The following SEC23IP variants were observed in gnomAD, a reference collection of about 807,000 sequenced individuals.
The protein encoded by SEC23IP is SEC23 interacting protein.
A neutral mutation model predicts 113.4 loss-of-function variants in SEC23IP; 70 were observed. The ratio of observed to expected loss-of-function variants is 0.62; its 90% CI spans 0.51 to 0.75. SEC23IP has a LOEUF of 0.75. SEC23IP is among the 30% of genes least tolerant of loss of function. The pLI, the probability that SEC23IP is intolerant of heterozygous loss-of-function variation, is 0.00. For synonymous variants in SEC23IP, 398 were observed against 421.0 expected, an observed-to-expected ratio of 0.95 and a Z score of 0.67; for missense variants, 1,160 against 1,204.9, an observed-to-expected ratio of 0.96 and a Z score of 0.55.
intron 15 of SEC23IP, 44 bp downstream of exon 15, chr10:119,930,475 A>G: frequency 8.7e-7 from 1 of 1,145,744 alleles, no homozygotes; most frequent in Non-Finnish European, 1.3e-6. Context: ...TGTCATTTGT[A>G]ATCTGTAATG....
intron 1 of SEC23IP, among the ~76,000 whole-genome samples, chr10:119,897,850 C>G (rs1394869727): frequency 6.7e-6 from 1 of 149,616 alleles, no homozygotes; most frequent in Non-Finnish European, 1.5e-5. Context: ...AAAAAAAATA[C>G]AAAAATTAGC....
rs562599504 is a variant in SEC23IP, at chr10:119,926,161, T to G, written c.2247T>G (p.Leu749=). The change falls in exon 13 of 19, where the codon CTT becomes CTG. Residue 749 remains leucine, a synonymous_variant. Coordinates refer to ENST00000369075, the MANE Select transcript of SEC23IP (RefSeq NM_007190.4). ...AATCCAATGAGCCAAAGAGGAAACT[T>G]CCAGTTGGTGCTTGCGTGTCTTCTG... is the stretch of plus-strand genomic sequence containing the variant. ...PSESNEPKRK[L]PVGACVSSVC... is the part of the protein sequence containing the mutation. 2.5e-6 allele frequency: 4 copies of G among 1,614,160 alleles called. No individual in the cohort carries two copies. In the South Asian group the frequency reaches 4.4e-5, roughly 18 times the overall value.
intron 4 of SEC23IP, among the ~76,000 whole-genome samples, chr10:119,905,042 A>G (rs1438075135): frequency 1.3e-5 from 2 of 152,112 alleles, no homozygotes; most frequent in African/African-American, 2.4e-5. Flanking sequence ...GCTGAAGAGG[A>G]AGGATCACCT....
At chr10:119,916,860 C>CT (rs1341626947) in intron 8 of SEC23IP, among the ~76,000 whole-genome samples, 1 of 151,990 alleles carries the variant, frequency 6.6e-6, no homozygotes, top group African/African-American at 2.4e-5. Flanking sequence ...GCACAAATAA[C>CT]TTTAAAAAAA....
intron 2 of SEC23IP, among the ~76,000 whole-genome samples, chr10:119,901,442 A>T (rs1854496112): frequency 6.6e-6 from 1 of 152,032 alleles, no homozygotes; most frequent in Non-Finnish European, 1.5e-5. Context: ...TTTCTGTTAG[A>T]CATTTTGATT....
At chr10:119,900,235 A>AT (rs1452827250) in intron 2 of SEC23IP, among the ~76,000 whole-genome samples, 1 of 151,564 alleles carries the variant, frequency 6.6e-6, no homozygotes, top group Non-Finnish European at 1.5e-5. Flanking sequence ...CTTCAAAATG[A>AT]TTTTTTAGAA....
At chr10:119,911,143 T>C (rs1406973348) in intron 5 of SEC23IP, among the ~76,000 whole-genome samples, 1 of 151,946 alleles carries the variant, frequency 6.6e-6, no homozygotes, top group African/African-American at 2.4e-5. Context: ...TTTGTCATTA[T>C]GTTTTTGTCA....
In SEC23IP at chr10:119,914,769, A is replaced by G; in HGVS notation, c.1352A>G (p.His451Arg). 2 of 1,614,172 alleles carry G rather than the reference A, an allele frequency of 1.2e-6. No homozygotes were observed. Among genetic ancestry groups the G allele is most frequent in the South Asian group, 1.1e-5 (1 of 91,078 alleles). The stretch of plus-strand genomic sequence containing the variant: ...GTTGACCATTTGGTGTTTGTGGTGC[A>G]TGGCATTGGACCTGTGTGTGACTTA... ...PQVDHLVFVV[H>R]GIGPVCDLRF... The change falls in exon 7 of 19, where the codon CAT (histidine) becomes CGT (arginine). Residue 451 changes from histidine (H) to arginine (R), a missense_variant. By Grantham distance (29) the His-to-Arg change is conservative. Coordinates refer to ENST00000369075, the MANE Select transcript of SEC23IP (RefSeq NM_007190.4).
intron 1 of SEC23IP, among the ~76,000 whole-genome samples, chr10:119,894,056 C>T (rs1451065696): frequency 6.6e-6 from 1 of 152,156 alleles, no homozygotes; most frequent in Non-Finnish European, 1.5e-5. Context: ...TTTACTTTAC[C>T]TCTCTGTGCT....
intron 12 of SEC23IP, among the ~76,000 whole-genome samples, chr10:119,925,793 T>C (rs999729069): frequency 7.9e-5 from 12 of 152,144 alleles, no homozygotes; most frequent in African/African-American, 2.9e-4. Context: ...CCTTCCACCT[T>C]GGTCTCCCAA....
chr10:119,919,518 G>A lies in SEC23IP; in HGVS notation c.1947G>A (p.Leu649=). The A allele has an allele frequency of 6.2e-7, 1 of 1,613,626 alleles. No individual in the cohort carries two copies. The highest frequency in any genetic ancestry group is 8.5e-7 in the Non-Finnish European group (1 of 1,179,800). Residue 649 remains leucine, a synonymous_variant, in exon 11 of 19, where the codon TTG becomes TTA. Coordinates refer to ENST00000369075, the MANE Select transcript of SEC23IP (RefSeq NM_007190.4). ...TTGAAAATAAAGAAGTCCTAACTTTGCAAGAAACTCTGGAAGCACTTAGCC... is the reference window on the plus strand; with the variant it reads ...TTGAAAATAAAGAAGTCCTAACTTTACAAGAAACTCTGGAAGCACTTAGCC... ...LVVENKEVLT[L]QETLEALSLS...
At position 119,898,536 on chromosome 10, in the gene SEC23IP, T is replaced by A; in HGVS notation, c.273T>A (p.Asp91Glu). The change falls in exon 2 of 19, where the codon GAT (aspartate) becomes GAA (glutamate). Residue 91 changes from aspartate to glutamate, a missense_variant. Coordinates refer to ENST00000369075, the MANE Select transcript of SEC23IP (RefSeq NM_007190.4). ...SYFSQVSSSSDPFGNIGQSPL... is the reference protein window; with the variant it reads ...SYFSQVSSSSEPFGNIGQSPL... The stretch of plus-strand genomic sequence containing the variant: ...TCTCTCAGGTATCAAGCAGCAGTGA[T>A]CCTTTTGGGAATATTGGACAGTCAC... The A allele has an allele frequency of 6.2e-7, 1 of 1,614,188 alleles. No homozygotes were observed. The highest frequency in any genetic ancestry group is 8.5e-7 in the Non-Finnish European group (1 of 1,180,044).
chr10:119,918,135 G>T (rs1467004683), intron 9 of SEC23IP, 91 bp downstream of exon 9: 4 of 1,073,428 alleles, frequency 3.7e-6, no homozygotes, highest in Non-Finnish European at 5.4e-6. Context: ...GCAAAATTAA[G>T]AATTACAGAT....
At chr10:119,939,125 T>C (rs1855885329) in intron 18 of SEC23IP, among the ~76,000 whole-genome samples, 3 of 151,264 alleles carry the variant, frequency 2.0e-5, no homozygotes, top group Admixed American at 6.6e-5. Flanking sequence ...CTTAGCAACA[T>C]AGACAAGACA....
chr10:119,929,850 T>G (rs975323727), intron 14 of SEC23IP, 88 bp downstream of exon 14: 2 of 827,024 alleles, frequency 2.4e-6, no homozygotes, highest in African/African-American at 3.5e-5. Flanking sequence ...GGTCTTACTA[T>G]GTGGACCACA....
chr10:119,940,187 A>ATTT (rs11289281), intron 18 of SEC23IP, among the ~76,000 whole-genome samples: 7 of 128,160 alleles, frequency 5.5e-5, no homozygotes, highest in Non-Finnish European at 6.6e-5. Context: ...TGGATTGTCC[A>ATTT]TTTTTTTTTT....
At chr10:119,907,883 C>T (rs893389515) in intron 4 of SEC23IP, among the ~76,000 whole-genome samples, 1 of 152,078 alleles carries the variant, frequency 6.6e-6, no homozygotes, top group Non-Finnish European at 1.5e-5. Context: ...ACCTGGGAGG[C>T]GGAGGTTGCG....
chr10:119,929,557 C>G, intron 13 of SEC23IP, 50 bp from the exon 14 acceptor site: 1 of 1,521,566 alleles, frequency 6.6e-7, no homozygotes, highest in Non-Finnish European at 9.1e-7. Flanking sequence ...GAATTTTCTA[C>G]TAGGTGACAT....
At chr10:119,898,402 C>T (rs201764362) in intron 1 of SEC23IP, 25 bp from the exon 2 acceptor site, 84 of 1,588,294 alleles carry the variant, frequency 5.3e-5, no homozygotes, top group Non-Finnish European at 6.8e-5. Flanking sequence ...CCCTTTAAAC[C>T]ACATGCTCTC....
Sources: allele counts gnomAD v4.1 joint callset (sites outside exome capture counted in the v4.1 genomes callset), GRCh38; gene constraint gnomAD v4.1.1; transcripts MANE v1.5; gene names NCBI Gene and HGNC (gene_info 2026-07-23, HGNC 2026-07-21).